E2F7: variants seen among roughly 807,000 people sequenced by gnomAD.
E2F7 encodes E2F transcription factor 7.
Under a neutral mutation model 81.1 loss-of-function variants are expected in E2F7, and 35 were observed. The ratio of observed to expected loss-of-function variants is 0.43; its 90% CI spans 0.33 to 0.57. E2F7 has a LOEUF of 0.57. E2F7 is among the 20% of genes least tolerant of loss of function. The probability of loss-of-function intolerance (pLI) is 0.04; values close to 1 mark genes in which losing one functional copy is unlikely to be tolerated. For missense variants in E2F7, 961 were observed against 1,093.7 expected, an observed-to-expected ratio of 0.88 and a Z score of 1.71; for synonymous variants, 416 against 416.2, an observed-to-expected ratio of 1.00 and a Z score of 0.01.
chr12:77,054,519 G>T (rs879554390), intron 3 of E2F7, among the ~76,000 whole-genome samples: 7 of 152,246 alleles, frequency 4.6e-5, no homozygotes, highest in Admixed American at 4.6e-4. Flanking sequence ...TAAAGCCCTA[G>T]ATTTTAAAAG....
chr12:77,022,136 A>G lies in E2F7; in HGVS notation c.*1879T>C, dbSNP rs1467071601. 1 of 152,220 alleles carries G rather than the reference A, an allele frequency of 6.6e-6. No homozygotes were observed. The highest frequency in any genetic ancestry group is 1.5e-5 in the Non-Finnish European group (1 of 68,028). 9.4% of individuals were successfully genotyped at this position (152,220 alleles called of 1,614,324 possible). A position where few individuals can be genotyped will look rare whatever the true frequency, so the allele number is the denominator to read the frequency against. ...TTTCCGTCTAAATGCAGACCTCTCC[A>G]TGAAATATTTTGTGGAAGTTCTTAA... On this transcript the variant is annotated 3_prime_UTR_variant, in exon 13 of 13. Transcript: ENST00000322886.
intron 5 of E2F7, among the ~76,000 whole-genome samples, chr12:77,045,245 G>A (rs1383572268): frequency 6.6e-6 from 1 of 152,116 alleles, no homozygotes; most frequent in Admixed American, 6.6e-5. Context: ...AAACATAGAA[G>A]ATGCCCGCCT....
Position 77,046,326 on chromosome 12 carries a change from C to CTT in E2F7, c.540_541insAA (p.Val181LysfsTer11). On this transcript the variant is annotated frameshift_variant and splice_region_variant, in exon 5 of 13. Coordinates refer to ENST00000322886, the MANE Select transcript of E2F7 (RefSeq NM_203394.3). LOFTEE classifies it high-confidence loss of function. Reference sequence around the variant, plus strand: ...ATGTCATAGATGCGTCTCCTTTCCACACCTGTTTGAAAAACAGAGGCTGAT... The same window carrying CTT: ...ATGTCATAGATGCGTCTCCTTTCCACTTACCTGTTTGAAAAACAGAGGCTGAT... The CTT allele has an allele frequency of 6.2e-7, 1 of 1,608,478 alleles. No individual in the cohort carries two copies.
chr12:77,063,420 C>T (rs7961533), intron 2 of E2F7, among the ~76,000 whole-genome samples: 22,333 of 152,132 alleles, frequency 0.15, 1,830 homozygotes, highest in South Asian at 0.26. Flanking sequence ...ATACCCCAAA[C>T]TGCAAAAGTT....
At position 77,025,472 on chromosome 12, in the gene E2F7, C is replaced by T. The variant is rs942111168; in HGVS notation, c.2565+86G>A. ...TGGAGCCTGACCTAGTGCCTCTGTC[C>T]GGCAGTCATGTGGCTAAAATGAAAG... On this transcript the variant is annotated intron_variant, in intron 12 of 12. Transcript: ENST00000322886. The T allele has an allele frequency of 2.8e-5, 42 of 1,475,406 alleles. No homozygotes were observed. In the African/African-American group the frequency reaches 3.8e-4, roughly 13 times the overall value. 91.4% of individuals were successfully genotyped at this position (1,475,406 alleles called of 1,614,324 possible).
Position 77,034,006 on chromosome 12 carries a change from G to T in E2F7, c.1160C>A (p.Pro387Gln). ...GCCATATGTTTCTCTTTTCAATTCT[G>T]GTAAGACAGATGCAGAAACATCCAC... ...ELVDVSASVL[P>Q]ELKRETYGQI... Residue 387 changes from proline (P) to glutamine (Q), a missense_variant, in exon 8 of 13, where the codon CCA (proline) becomes CAA (glutamine). Physicochemically the swap from Pro to Gln is moderately conservative, Grantham distance 76. This residue lies in a region of E2F7 where 301 missense variants were observed against 405.0 expected (regional missense o/e 0.74). Coordinates refer to ENST00000322886, the MANE Select transcript of E2F7 (RefSeq NM_203394.3). 2 of 1,613,718 alleles carry T rather than the reference G, an allele frequency of 1.2e-6. No homozygotes were observed. Among genetic ancestry groups the T allele is most frequent in the Non-Finnish European group, 1.7e-6 (2 of 1,179,892 alleles).
chr12:77,054,002 T>TA (rs1268583225), intron 3 of E2F7, among the ~76,000 whole-genome samples: 1 of 152,064 alleles, frequency 6.6e-6, no homozygotes, highest in East Asian at 1.9e-4. Flanking sequence ...TAAAAAGGTA[T>TA]AAAAAAGTCT....
chr12:77,053,225 C>T (rs191436133), intron 3 of E2F7, among the ~76,000 whole-genome samples: 1 of 152,218 alleles, frequency 6.6e-6, no homozygotes, highest in East Asian at 1.9e-4. Context: ...ACTGAGGACT[C>T]CACAGGGCTT....
At chr12:77,037,190 A>G (rs181446192) in intron 7 of E2F7, among the ~76,000 whole-genome samples, 2 of 152,368 alleles carry the variant, frequency 1.3e-5, no homozygotes, top group African/African-American at 4.8e-5. Context: ...CAGGCAGAAA[A>G]AAATATTAGA....
At chr12:77,048,647 C>T (rs914267767) in intron 4 of E2F7, among the ~76,000 whole-genome samples, 1 of 152,176 alleles carries the variant, frequency 6.6e-6, no homozygotes, top group African/African-American at 2.4e-5. Flanking sequence ...GAAACAGCTT[C>T]CAGCAAGGGA....
intron 2 of E2F7, among the ~76,000 whole-genome samples, chr12:77,060,435 G>A (rs576307555): frequency 6.6e-6 from 1 of 152,274 alleles, no homozygotes; most frequent in Admixed American, 6.5e-5. Context: ...GCCAAAGAAA[G>A]GTCTTCGTTG....
chr12:77,038,596 T>C (rs886094003), intron 7 of E2F7, among the ~76,000 whole-genome samples: 1 of 152,168 alleles, frequency 6.6e-6, no homozygotes, highest in Non-Finnish European at 1.5e-5. Context: ...TGACATTTGT[T>C]AGATACAGCT....
intron 7 of E2F7, among the ~76,000 whole-genome samples, chr12:77,036,984 C>T (rs575487239): frequency 4.0e-4 from 61 of 152,168 alleles, no homozygotes; most frequent in African/African-American, 1.4e-3. Flanking sequence ...CTCCTGACCT[C>T]GTGATCCACC....
At chr12:77,060,894 C>T (rs1955072797) in intron 2 of E2F7, among the ~76,000 whole-genome samples, 1 of 152,176 alleles carries the variant, frequency 6.6e-6, no homozygotes, top group African/African-American at 2.4e-5. Flanking sequence ...ACTTAGGTCA[C>T]CTCTCAGTTG....
intron 4 of E2F7, among the ~76,000 whole-genome samples, chr12:77,048,556 CTTAG>C (rs147275774): frequency 0.01 from 1,578 of 152,292 alleles, 11 homozygotes; most frequent in Middle Eastern, 0.024. Flanking sequence ...TCTGCACGTC[CTTAG>C]TTAAATACAG....
At position 77,046,191 on chromosome 12, in the gene E2F7, C is replaced by T. The variant is rs1954940216; in HGVS notation, c.676G>A (p.Gly226Arg). ...TGCTCTTCATATTTCTGCTCCTCTC[C>T]TAGTCTCTGGAGGTTCCTCAGGGTT... The part of the protein sequence containing the change: ...PKTLRNLQRL[G>R]EEQKYEEQMA... The change falls in exon 5 of 13, where the codon GGA (glycine) becomes AGA (arginine). Residue 226 changes from glycine (G) to arginine (R), a missense_variant. This residue lies in a region of E2F7 where 301 missense variants were observed against 405.0 expected (regional missense o/e 0.74). Coordinates refer to ENST00000322886, the MANE Select transcript of E2F7 (RefSeq NM_203394.3). 6.2e-7 allele frequency: 1 copy of T among 1,614,192 alleles called. No homozygotes were observed. Among genetic ancestry groups the T allele is most frequent in the Non-Finnish European group, 8.5e-7 (1 of 1,180,030 alleles).
intron 2 of E2F7, among the ~76,000 whole-genome samples, chr12:77,057,832 A>G (rs968719757): frequency 6.6e-6 from 1 of 152,226 alleles, no homozygotes; most frequent in Non-Finnish European, 1.5e-5. Flanking sequence ...ATAGTGTGTC[A>G]TATAATTACA....
chr12:77,041,150 G>A (rs767639571), intron 7 of E2F7, among the ~76,000 whole-genome samples: 3 of 152,216 alleles, frequency 2.0e-5, no homozygotes, highest in Non-Finnish European at 2.9e-5. Context: ...GCAAATACAC[G>A]AACTCCTCGA....
intron 11 of E2F7, among the ~76,000 whole-genome samples, chr12:77,026,898 T>C (rs1035134410): frequency 6.6e-6 from 1 of 152,228 alleles, no homozygotes; most frequent in Non-Finnish European, 1.5e-5. Context: ...ATGTATTTAA[T>C]TCTATGCATC....
Sources: allele counts gnomAD v4.1 joint callset (sites outside exome capture counted in the v4.1 genomes callset), GRCh38; gene constraint gnomAD v4.1.1; regional missense constraint gnomAD v4.1.1; transcripts MANE v1.5; gene names NCBI Gene and HGNC (gene_info 2026-07-23, HGNC 2026-07-21).